EYA2: variants seen among roughly 807,000 people sequenced by gnomAD.
EYA2 encodes protein phosphatase EYA2.
In EYA2, 31 loss-of-function variants were observed where a neutral mutation model predicts 69.2. The ratio of observed to expected loss-of-function variants is 0.45; its 90% CI spans 0.34 to 0.60. The LOEUF (loss-of-function observed/expected upper bound fraction) is 0.60, where lower values mean the gene tolerates loss of function less well. Ranked by LOEUF, EYA2 falls within the 20% of genes least tolerant of loss-of-function variation. EYA2 has a pLI of 0.02. For synonymous variants in EYA2, 257 were observed against 279.4 expected (o/e 0.92, Z 0.80); for missense variants, 622 against 701.2 (o/e 0.89, Z 1.28).
At chr20:47,125,179 G>A (rs567451068) in intron 9 of EYA2, among the ~76,000 whole-genome samples, 39 of 150,054 alleles carry the variant, frequency 2.6e-4, no homozygotes, top group Admixed American at 2.4e-3. Context: ...TTAGCCTCCC[G>A]AGTAGCTGGG....
At chr20:46,974,480 G>A (rs959314588) in intron 1 of EYA2, among the ~76,000 whole-genome samples, 6 of 152,148 alleles carry the variant, frequency 3.9e-5, no homozygotes, top group African/African-American at 1.4e-4. Flanking sequence ...GGTAAACAGT[G>A]AAGGGTAATG....
At chr20:47,141,697 C>G (rs974751311) in intron 9 of EYA2, among the ~76,000 whole-genome samples, 1 of 152,162 alleles carries the variant, frequency 6.6e-6, no homozygotes, top group African/African-American at 2.4e-5. Context: ...GCCTTCCAGG[C>G]TAACAGAATA....
At chr20:47,004,908 G>T (rs781174897) in intron 3 of EYA2, 34 bp from the exon 4 acceptor site, 1 of 1,614,090 alleles carries the variant, frequency 6.2e-7, no homozygotes, top group South Asian at 1.1e-5. Flanking sequence ...GCCAGACTGG[G>T]CCTGGAGATT....
At position 46,985,751 on chromosome 20, in the gene EYA2, A is replaced by G. The variant is rs140498871; in HGVS notation, c.-10-4250A>G. Among the ~76,000 whole-genome samples, 251 of 152,336 alleles carry G rather than the reference A, an allele frequency of 1.6e-3. 1 individual carries two copies. The highest frequency in any genetic ancestry group is 5.4e-3 in the African/African-American group (225 of 41,570). On this transcript the variant is annotated intron_variant, in intron 1 of 15. Transcript: ENST00000327619. ...AGTGCCAGCTGGTTGCTGCCATGCA[A>G]GAATAAGGCAATACTCTTGTATTTT...
chr20:47,013,216 A>G (rs1015511714), intron 4 of EYA2, among the ~76,000 whole-genome samples: 10 of 152,194 alleles, frequency 6.6e-5, no homozygotes, highest in African/African-American at 1.7e-4. Context: ...CTCCAGCCTA[A>G]ACAGAGAGCA....
At chr20:47,065,326 C>T (rs1007189019) in intron 5 of EYA2, among the ~76,000 whole-genome samples, 6 of 152,034 alleles carry the variant, frequency 3.9e-5, no homozygotes, top group Admixed American at 6.6e-5. Context: ...CCCCATTTAG[C>T]GTAAAATAAA....
At chr20:46,927,991 T>C (rs1471967753) in intron 1 of EYA2, among the ~76,000 whole-genome samples, 2 of 152,220 alleles carry the variant, frequency 1.3e-5, no homozygotes, top group Admixed American at 1.3e-4. Flanking sequence ...ATAATACTCA[T>C]GTAGCATTTA....
At chr20:47,081,871 G>T (rs547283495) in intron 7 of EYA2, among the ~76,000 whole-genome samples, 1 of 151,380 alleles carries the variant, frequency 6.6e-6, no homozygotes, top group Non-Finnish European at 1.5e-5. Context: ...ACAGAGTCTC[G>T]ATCTGTCGCC....
intron 9 of EYA2, among the ~76,000 whole-genome samples, chr20:47,141,493 A>G (rs977043791): frequency 4.6e-5 from 7 of 152,208 alleles, no homozygotes; most frequent in Non-Finnish European, 8.8e-5. Context: ...GGTGGAAACC[A>G]TTGTGCTGCA....
chr20:47,183,073 C>G (rs879905913), intron 14 of EYA2, among the ~76,000 whole-genome samples: 1 of 152,192 alleles, frequency 6.6e-6, no homozygotes. Flanking sequence ...CTGTGTTGCC[C>G]TGGGCAAGCT....
intron 5 of EYA2, among the ~76,000 whole-genome samples, chr20:47,030,595 T>G (rs1984353859): frequency 6.6e-6 from 1 of 151,856 alleles, no homozygotes. Flanking sequence ...ACCATGGTCT[T>G]GGTGGCCTAG....
chr20:46,917,954 A>T (rs551523597), intron 1 of EYA2, among the ~76,000 whole-genome samples: 1 of 152,248 alleles, frequency 6.6e-6, no homozygotes, highest in South Asian at 2.1e-4. Flanking sequence ...TCTTCCTTTT[A>T]TGAAACATTT....
intron 9 of EYA2, among the ~76,000 whole-genome samples, chr20:47,115,434 A>G (rs1056374220): frequency 8.6e-5 from 13 of 151,970 alleles, no homozygotes; most frequent in Non-Finnish European, 1.6e-4. Flanking sequence ...CCTGTTATTC[A>G]CTGGGAGGCT....
intron 7 of EYA2, among the ~76,000 whole-genome samples, chr20:47,084,834 CTTTTT>C (rs34290555): frequency 6.2e-5 from 7 of 112,442 alleles, no homozygotes; most frequent in Admixed American, 1.8e-4. Flanking sequence ...CTGTTTCTTT[CTTTTT>C]TTTTTTTTTT....
intron 5 of EYA2, among the ~76,000 whole-genome samples, chr20:47,059,007 C>T (rs186961077): frequency 1.8e-4 from 28 of 152,278 alleles, no homozygotes; most frequent in African/African-American, 6.3e-4. Flanking sequence ...TGCACTAATG[C>T]ACAAACAAGA....
chr20:47,065,203 A>T (rs763715076), intron 5 of EYA2, among the ~76,000 whole-genome samples: 10 of 152,178 alleles, frequency 6.6e-5, no homozygotes, highest in Non-Finnish European at 1.5e-4. Flanking sequence ...ACAATTCAAG[A>T]TGAGATTTGG....
intron 5 of EYA2, among the ~76,000 whole-genome samples, chr20:47,071,544 C>A (rs998530975): frequency 6.6e-6 from 1 of 151,980 alleles, no homozygotes; most frequent in South Asian, 2.1e-4. Flanking sequence ...CCTCAGCCTC[C>A]CAAAGCATTG....
chr20:47,066,155 C>T (rs2031100329), intron 5 of EYA2, among the ~76,000 whole-genome samples: 1 of 152,122 alleles, frequency 6.6e-6, no homozygotes, highest in Non-Finnish European at 1.5e-5. Context: ...GCTTTGGCAA[C>T]ATGGCAAAAC....
intron 10 of EYA2, among the ~76,000 whole-genome samples, chr20:47,167,280 C>A (rs1185659620): frequency 9.0e-6 from 1 of 111,728 alleles, no homozygotes; most frequent in African/African-American, 3.6e-5. Context: ...GGTTTTTTTA[C>A]TTTTTTTTTT....
Sources: gnomAD v4.1 joint callset for allele counts (sites outside exome capture counted in the v4.1 genomes callset) on GRCh38, gnomAD v4.1.1 for gene constraint, MANE v1.5 for transcripts, NCBI Gene and HGNC (gene_info 2026-07-23, HGNC 2026-07-21) for gene names.